The following RPAIN variants were observed in gnomAD, a reference collection of about 807,000 sequenced individuals.
RPAIN encodes RPA interacting protein, also known as RPA-interacting protein.
RPAIN carries 29 observed loss-of-function variants against 30.5 expected under a neutral mutation model. The ratio of observed to expected loss-of-function variants is 0.95; its 90% CI spans 0.71 to 1.30. The LOEUF is 1.30. Ranked by LOEUF, RPAIN falls within the 50% of genes most tolerant of loss-of-function variation. The pLI is 0.00. For synonymous variants in RPAIN, 101 were observed against 93.5 expected, an observed-to-expected ratio of 1.08 and a Z score of -0.46; for missense variants, 247 against 264.7, an observed-to-expected ratio of 0.93 and a Z score of 0.46.
intron 6 of RPAIN, chr17:5,432,048 C>T: frequency 4.6e-6 from 1 of 218,226 alleles, no homozygotes; most frequent in Non-Finnish European, 9.2e-6. Context: ...GCTGAGCCAC[C>T]CAGGAGTCGG....
At chr17:5,421,511 A>C in intron 2 of RPAIN, 45 bp downstream of exon 2, 1 of 1,573,878 alleles carries the variant, frequency 6.4e-7, no homozygotes, top group Non-Finnish European at 8.7e-7. Context: ...CTGCACCACC[A>C]AGAACGGCTC....
Position 5,426,050 on chromosome 17 carries a change from G to C in RPAIN, c.393G>C (p.Glu131Asp). The C allele has an allele frequency of 6.2e-7, 1 of 1,613,082 alleles. No homozygotes were observed. The highest frequency in any genetic ancestry group is 8.5e-7 in the Non-Finnish European group (1 of 1,179,150). The change falls in exon 4 of 7, where the codon GAG (glutamate) becomes GAC (aspartate). Residue 131 changes from glutamate to aspartate, a missense_variant. Physicochemically the swap from Glu to Asp is conservative, Grantham distance 45 (BLOSUM62 2). Coordinates refer to ENST00000381209, the MANE Select transcript of RPAIN (RefSeq NM_001033002.4). ...TCAGCATCATGCTGGCTGAGTGGGA[G>C]GCAAACCCACTCATCTGTCCTGTAT... ...KCLSIMLAEW[E>D]ANPLICPVCT...
At chr17:5,426,162 G>T in intron 4 of RPAIN, 74 bp from the exon 5 acceptor site, 1 of 1,575,428 alleles carries the variant, frequency 6.3e-7, no homozygotes, top group Non-Finnish European at 8.7e-7. Flanking sequence ...CCCCAGATTT[G>T]TTGCCTGAAA....
In RPAIN at chr17:5,429,674, G is replaced by GT. The variant is rs1219406619; in HGVS notation, c.630+1465dup. ...TACTTCCTGTTGACTACAAGCATAT[G>GT]TTCCCTTCTGTTCCAGCTATCCAGC... is the stretch of plus-strand genomic sequence containing the variant. On this transcript the variant is annotated intron_variant, in intron 6 of 6. Transcript: ENST00000381209. 3 of 985,336 alleles carry GT rather than the reference G, an allele frequency of 3.0e-6. No individual in the cohort carries two copies. In the African/African-American group the frequency reaches 5.2e-5, roughly 17 times the overall value. The allele number at this position is 985,336 out of a possible 1,614,324, so 61.0% of individuals were successfully genotyped here.
chr17:5,429,374 A>C, intron 6 of RPAIN: 1 of 985,486 alleles, frequency 1.0e-6, no homozygotes, highest in Non-Finnish European at 1.2e-6. Flanking sequence ...AGTATATACA[A>C]AGAGCATCTT....
intron 6 of RPAIN, 56 bp from the exon 7 acceptor site, chr17:5,432,486 A>AT (rs1321468366): frequency 5.4e-6 from 8 of 1,491,942 alleles, no homozygotes; most frequent in Admixed American, 1.7e-5. Context: ...CTTTTATCAG[A>AT]TATCTTTCAT....
intron 6 of RPAIN, chr17:5,429,139 A>G: frequency 1.0e-6 from 1 of 985,454 alleles, no homozygotes; most frequent in Non-Finnish European, 1.2e-6. Context: ...TAATAAGAGA[A>G]CAGAATAAAC....
intron 6 of RPAIN, 121 bp from the exon 7 acceptor site, chr17:5,432,421 T>C (rs1158041211): frequency 5.4e-6 from 5 of 920,102 alleles, no homozygotes; most frequent in Non-Finnish European, 8.8e-6. Flanking sequence ...ACTGAACTAA[T>C]TGAAACTGGA....
At chr17:5,422,300 C>G (rs940087874) in intron 2 of RPAIN, among the ~76,000 whole-genome samples, 2 of 152,172 alleles carry the variant, frequency 1.3e-5, no homozygotes, top group Non-Finnish European at 2.9e-5. Flanking sequence ...AAAATGTGGG[C>G]AACTGTTTGA....
chr17:5,431,125 G>A, intron 6 of RPAIN: 1 of 311,878 alleles, frequency 3.2e-6, no homozygotes, highest in South Asian at 2.8e-5. Flanking sequence ...ATAGTTGACA[G>A]TGCCGGCTCT....
At position 5,428,205 on chromosome 17, in the gene RPAIN, C is replaced by T. The variant is rs778293018; in HGVS notation, c.624C>T (p.Ser208=). ...AAGAAAAGTCCAGTCTTCTCATGAGCTGTCTGGTAAGCGTCTCCTGGGACC... is the reference window on the plus strand; with the variant it reads ...AAGAAAAGTCCAGTCTTCTCATGAGTTGTCTGGTAAGCGTCTCCTGGGACC... ...GTEEKSSLLM[S]CLACDTWAVI... is the part of the protein sequence containing the mutation. Residue 208 remains serine (S), a synonymous_variant, in exon 6 of 7, where the codon AGC becomes AGT. Coordinates refer to ENST00000381209, the MANE Select transcript of RPAIN (RefSeq NM_001033002.4). 5.0e-6 allele frequency: 8 copies of T among 1,614,056 alleles called. No homozygotes were observed. Among genetic ancestry groups the T allele is most frequent in the Non-Finnish European group, 6.8e-6 (8 of 1,180,018 alleles).
At chr17:5,426,483 A>G in intron 5 of RPAIN, 184 bp downstream of exon 5, 1 of 636,940 alleles carries the variant, frequency 1.6e-6, no homozygotes. Flanking sequence ...AAATTGGCAA[A>G]CAGTACACAT....
chr17:5,424,904 G>T (rs914802466), intron 3 of RPAIN, among the ~76,000 whole-genome samples: 2 of 152,120 alleles, frequency 1.3e-5, no homozygotes, highest in Non-Finnish European at 2.9e-5. Context: ...CTGACCAAAT[G>T]TTTTATTTTG....
intron 5 of RPAIN, chr17:5,426,514 A>G: frequency 1.8e-6 from 1 of 541,138 alleles, no homozygotes; most frequent in Non-Finnish European, 3.3e-6. Context: ...AGGGCCCTGG[A>G]GAGCCATCAC....
intron 1 of RPAIN, among the ~76,000 whole-genome samples, chr17:5,420,859 A>G (rs1012424245): frequency 1.4e-4 from 22 of 152,250 alleles, no homozygotes; most frequent in African/African-American, 5.1e-4. Context: ...AGATGCTAAT[A>G]GTCCTATAAC....
Position 5,421,464 on chromosome 17 carries a change from C to T in RPAIN, c.250C>T (p.Gln84Ter), listed in dbSNP as rs749948737. Residue 84 changes from glutamine (Q) to a stop codon, truncating the protein, a stop_gained and splice_region_variant, in exon 2 of 7, where the codon CAG (glutamine) becomes TAG (stop). Coordinates refer to ENST00000381209, the MANE Select transcript of RPAIN (RefSeq NM_001033002.4). LOFTEE classifies it high-confidence loss of function. ...SVENCPEDLA[Q>*]LEELIDMAVL... ...GGAGAATTGTCCAGAAGACTTGGCT[C>T]AGGTCAGGCTGGGCTATGTGTTTTC... The T allele has an allele frequency of 6.2e-6, 10 of 1,613,698 alleles. No homozygotes were observed. The highest frequency in any genetic ancestry group is 1.3e-5 in the African/African-American group (1 of 74,858).
At chr17:5,431,365 T>C (rs976983517) in intron 6 of RPAIN, 20 of 439,236 alleles carry the variant, frequency 4.6e-5, no homozygotes, top group African/African-American at 3.3e-4. Context: ...CTCGCACCTG[T>C]ACTCCCAGCT....
chr17:5,421,275 A>T, intron 1 of RPAIN, 21 bp from the exon 2 acceptor site: 1 of 1,575,346 alleles, frequency 6.3e-7, no homozygotes, highest in Non-Finnish European at 8.6e-7. Context: ...TTTCCCCCCC[A>T]ATCTTGCTCT....
In RPAIN at chr17:5,428,147, A is replaced by G. The variant is rs142766814; in HGVS notation, c.566A>G (p.His189Arg). ...SINEHSAHCP[H>R]TPEFSVTGGT... ...AATGAGCACAGTGCACATTGTCCCC[A>G]CACACCTGAATTTTCAGTCACTGGA... The change falls in exon 6 of 7, where the codon CAC (histidine) becomes CGC (arginine). Residue 189 changes from histidine (H) to arginine (R), a missense_variant. By Grantham distance (29) the His-to-Arg change is conservative (BLOSUM62 0). Transcript: ENST00000381209. The G allele has an allele frequency of 7.9e-4, 1,279 of 1,614,064 alleles. No individual in the cohort carries two copies. Among genetic ancestry groups the G allele is most frequent in the Non-Finnish European group, 9.7e-4 (1,149 of 1,180,038 alleles).
Sources: gnomAD v4.1 joint callset for allele counts (sites outside exome capture counted in the v4.1 genomes callset) on GRCh38, gnomAD v4.1.1 for gene constraint, MANE v1.5 for transcripts, NCBI Gene and HGNC (gene_info 2026-07-23, HGNC 2026-07-21) for gene names.